The following CNTNAP2 variants were observed in gnomAD, a reference collection of about 807,000 sequenced individuals.
The protein encoded by CNTNAP2 is contactin-associated protein-like 2.
Under a neutral mutation model 155.2 loss-of-function variants are expected in CNTNAP2, and 98 were observed. The ratio of observed to expected loss-of-function variants is 0.63; its 90% CI spans 0.54 to 0.75. The LOEUF (loss-of-function observed/expected upper bound fraction) is 0.75, where lower values mean the gene tolerates loss of function less well. Ranked by LOEUF, CNTNAP2 falls within the 30% of genes least tolerant of loss-of-function variation. The pLI is 0.00. For missense variants in CNTNAP2, 1,727 were observed against 1,688.1 expected (o/e 1.02, Z -0.40); for synonymous variants, 651 against 631.2 (o/e 1.03, Z -0.47).
At chr7:148,088,189 A>G (rs1237961569) in intron 15 of CNTNAP2, among the ~76,000 whole-genome samples, 3 of 152,056 alleles carry the variant, frequency 2.0e-5, no homozygotes, top group Admixed American at 1.3e-4. Flanking sequence ...CCTCCAATGA[A>G]TTAGTATAAA....
At chr7:146,221,138 C>A (rs879327412) in intron 1 of CNTNAP2, among the ~76,000 whole-genome samples, 4 of 152,154 alleles carry the variant, frequency 2.6e-5, no homozygotes, top group Non-Finnish European at 4.4e-5. Context: ...GGTCCTCTTC[C>A]CACAACCATG....
intron 1 of CNTNAP2, among the ~76,000 whole-genome samples, chr7:146,263,578 G>A (rs10263821): frequency 0.13 from 20,255 of 151,974 alleles, 3,620 homozygotes; most frequent in African/African-American, 0.41. Flanking sequence ...AGGCCTGTCC[G>A]ATTAACTATT....
At chr7:146,139,989 C>A (rs1256291597) in intron 1 of CNTNAP2, among the ~76,000 whole-genome samples, 1 of 152,124 alleles carries the variant, frequency 6.6e-6, no homozygotes, top group African/African-American at 2.4e-5. Flanking sequence ...TTAGCTCCAG[C>A]GTCCAGTCAA....
chr7:147,482,319 G>A (rs911479108), intron 10 of CNTNAP2, among the ~76,000 whole-genome samples: 16 of 151,972 alleles, frequency 1.1e-4, no homozygotes, highest in African/African-American at 3.6e-4. Context: ...TATATATGGC[G>A]ATAGGGTTTG....
At chr7:148,186,920 C>T (rs1795124717) in intron 18 of CNTNAP2, among the ~76,000 whole-genome samples, 1 of 152,088 alleles carries the variant, frequency 6.6e-6, no homozygotes, top group Non-Finnish European at 1.5e-5. Flanking sequence ...TGCTTGTTGT[C>T]CAATGTAGAA....
At chr7:147,904,475 C>T (rs1030676799) in intron 14 of CNTNAP2, among the ~76,000 whole-genome samples, 11 of 152,268 alleles carry the variant, frequency 7.2e-5, no homozygotes, top group South Asian at 2.1e-4. Context: ...TATCCAGTGC[C>T]GGCTTTCTAC....
intron 3 of CNTNAP2, among the ~76,000 whole-genome samples, chr7:147,028,107 T>C (rs931901237): frequency 1.3e-5 from 2 of 152,202 alleles, no homozygotes; most frequent in Admixed American, 1.3e-4. Context: ...TCAGCCGTTC[T>C]TGTCCAAGAA....
intron 4 of CNTNAP2, among the ~76,000 whole-genome samples, chr7:147,066,721 A>G (rs1799786137): frequency 2.0e-5 from 3 of 152,188 alleles, no homozygotes; most frequent in Admixed American, 2.0e-4. Context: ...TGCTTTCCCT[A>G]ATGCCAACCA....
Position 148,157,855 on chromosome 7 carries a change from CA to C in CNTNAP2, c.2773+10154del, listed in dbSNP as rs969281022. Among the ~76,000 whole-genome samples, 59 of 151,674 alleles carry C rather than the reference CA, an allele frequency of 3.9e-4. No individual in the cohort carries two copies. The East Asian group carries it at 0.011, about 28-fold the overall frequency. On this transcript the variant is annotated intron_variant, in intron 17 of 23. Coordinates refer to ENST00000361727, the MANE Select transcript of CNTNAP2 (RefSeq NM_014141.6). ...AATTAATTTGCTGGACAAAATCTAG[CA>C]AAAAAAATTACTACATTGAAATCAA...
chr7:147,637,976 G>C (rs1309258062), intron 12 of CNTNAP2, among the ~76,000 whole-genome samples: 1 of 152,094 alleles, frequency 6.6e-6, no homozygotes, highest in Non-Finnish European at 1.5e-5. Context: ...CTATAACAAA[G>C]AAAGGCCAAA....
intron 1 of CNTNAP2, among the ~76,000 whole-genome samples, chr7:146,688,817 G>A (rs1420079295): frequency 6.6e-6 from 1 of 152,048 alleles, no homozygotes. Context: ...GACTATTAAT[G>A]ACTATCCTAA....
intron 3 of CNTNAP2, among the ~76,000 whole-genome samples, chr7:146,908,518 C>A (rs1177959822): frequency 7.4e-6 from 1 of 135,824 alleles, no homozygotes; most frequent in Admixed American, 7.5e-5. Flanking sequence ...CACTCAACTA[C>A]ATGGAAACTG....
chr7:148,158,064 A>C (rs1805437944), intron 17 of CNTNAP2, among the ~76,000 whole-genome samples: 1 of 151,998 alleles, frequency 6.6e-6, no homozygotes. Context: ...CGACCCCCAC[A>C]AAGGGCAAAG....
At chr7:146,474,248 CTATT>C (rs1308759654) in intron 1 of CNTNAP2, among the ~76,000 whole-genome samples, 2 of 149,542 alleles carry the variant, frequency 1.3e-5, no homozygotes, top group African/African-American at 2.4e-5. Context: ...TCCAAATAAA[CTATT>C]TGTTTCTGAA....
intron 2 of CNTNAP2, among the ~76,000 whole-genome samples, chr7:146,808,040 T>C (rs1802998665): frequency 6.6e-6 from 1 of 152,156 alleles, no homozygotes; most frequent in African/African-American, 2.4e-5. Flanking sequence ...AAATTATTGA[T>C]AGGATGTTTC....
At position 147,903,546 on chromosome 7, in the gene CNTNAP2, C is replaced by T. The variant is rs761016674; in HGVS notation, c.2099-19C>T. 1 of 1,614,056 alleles carries T rather than the reference C, an allele frequency of 6.2e-7. No individual in the cohort carries two copies. The highest frequency in any genetic ancestry group is 8.5e-7 in the Non-Finnish European group (1 of 1,179,978). The stretch of plus-strand genomic sequence containing the variant: ...GAACCCAGGTCTGTTTCTAAATATA[C>T]CTTTGCCTTTTCTTGTAGATGGAAG... On this transcript the variant is annotated intron_variant, in intron 13 of 23. Coordinates refer to ENST00000361727, the MANE Select transcript of CNTNAP2 (RefSeq NM_014141.6).
intron 1 of CNTNAP2, among the ~76,000 whole-genome samples, chr7:146,533,978 A>T (rs191626609): frequency 6.6e-6 from 1 of 152,152 alleles, no homozygotes; most frequent in Non-Finnish European, 1.5e-5. Flanking sequence ...AAAATAGTCT[A>T]TGTAAAATTC....
At chr7:146,980,286 A>C (rs1269297969) in intron 3 of CNTNAP2, among the ~76,000 whole-genome samples, 1 of 152,206 alleles carries the variant, frequency 6.6e-6, no homozygotes, top group African/African-American at 2.4e-5. Flanking sequence ...CAACACTATT[A>C]ATGCTATGAA....
intron 1 of CNTNAP2, among the ~76,000 whole-genome samples, chr7:146,594,954 A>G (rs1798837372): frequency 6.6e-6 from 1 of 152,120 alleles, no homozygotes; most frequent in South Asian, 2.1e-4. Flanking sequence ...GTGACACATC[A>G]TCATATCTTT....
Sources: gnomAD v4.1 joint callset for allele counts (sites outside exome capture counted in the v4.1 genomes callset) on GRCh38, gnomAD v4.1.1 for gene constraint, MANE v1.5 for transcripts, NCBI Gene and HGNC (gene_info 2026-07-23, HGNC 2026-07-21) for gene names.